The following BRWD1 variants were observed in gnomAD, a reference collection of about 807,000 sequenced individuals.
The protein encoded by BRWD1 is bromodomain and WD repeat-containing protein 1.
BRWD1 carries 82 observed loss-of-function variants against 251.2 expected under a neutral mutation model. The observed-to-expected ratio is 0.33, with a 90% CI of 0.27 to 0.39. The LOEUF (loss-of-function observed/expected upper bound fraction) is 0.39. Ranked by LOEUF, BRWD1 falls within the 10% of genes least tolerant of loss-of-function variation. The pLI, the probability that BRWD1 is intolerant of heterozygous loss-of-function variation, is 1.00. For synonymous variants in BRWD1, 918 were observed against 902.8 expected, an observed-to-expected ratio of 1.02 and a Z score of -0.30; for missense variants, 2,233 against 2,711.6, an observed-to-expected ratio of 0.82 and a Z score of 3.92.
chr21:39,283,534 G>C (rs1481302882), intron 8 of BRWD1, among the ~76,000 whole-genome samples: 1 of 152,066 alleles, frequency 6.6e-6, no homozygotes, highest in Non-Finnish European at 1.5e-5. Flanking sequence ...CTTCTTTATT[G>C]CTGGTGTACA....
Position 39,250,848 on chromosome 21 carries a change from C to A in BRWD1, c.2297G>T (p.Arg766Ile). 6.2e-7 allele frequency: 1 copy of A among 1,600,502 alleles called. No homozygotes were observed. The highest frequency in any genetic ancestry group is 1.1e-5 in the South Asian group (1 of 88,154). ...DFRLEKGEEERNLYIIGRKRK... is the reference protein window; with the variant it reads ...DFRLEKGEEEINLYIIGRKRK... ...TTTTCTTCCTATTATATAAAGATTT[C>A]TTTCCTCTTCACCTTTCTCTAATCG... Residue 766 changes from arginine to isoleucine, a missense_variant, in exon 20 of 41, where the codon AGA (arginine) becomes ATA (isoleucine). Transcript: ENST00000342449.
At position 39,190,253 on chromosome 21, in the gene BRWD1, C is replaced by T. The variant is rs2031481622; in HGVS notation, c.*6006G>A. 1.0e-6 allele frequency: 1 copy of T among 982,220 alleles called. No individual in the cohort carries two copies. Among genetic ancestry groups the T allele is most frequent in the South Asian group, 4.7e-5 (1 of 21,226 alleles). The allele number at this position is 982,220 out of a possible 1,614,324, so 60.8% of individuals were successfully genotyped here. On this transcript the variant is annotated 3_prime_UTR_variant, in exon 41 of 41. Coordinates refer to ENST00000342449, the MANE Select transcript of BRWD1 (RefSeq NM_033656.4). Reference sequence around the variant, plus strand: ...GACTTTTTTTTAATTTTTAAGCTACCTTATTTACAGATTCTGCACAATATT... The same window carrying T: ...GACTTTTTTTTAATTTTTAAGCTACTTTATTTACAGATTCTGCACAATATT...
chr21:39,318,726 C>T (rs1368162208), upstream of BRWD1, among the ~76,000 whole-genome samples: 1 of 152,106 alleles, frequency 6.6e-6, no homozygotes, highest in Non-Finnish European at 1.5e-5. Flanking sequence ...CTCACTGCAG[C>T]CTCGCAGTCC....
At chr21:39,207,451 A>AACACACACAC (rs58765400) in intron 36 of BRWD1, among the ~76,000 whole-genome samples, 3,321 of 131,280 alleles carry the variant, frequency 0.025, 70 homozygotes, top group African/African-American at 0.047. Flanking sequence ...AAAAAAAGAA[A>AACACACACAC]ACACACACAC....
At position 39,313,327 on chromosome 21, in the gene BRWD1, G is replaced by A. The variant is rs779909295; in HGVS notation, c.50-28C>T. On this transcript the variant is annotated intron_variant, in intron 1 of 40. Coordinates refer to ENST00000342449, the MANE Select transcript of BRWD1 (RefSeq NM_033656.4). The stretch of plus-strand genomic sequence containing the variant: ...GCGGGAAGACAAGGAGTCAGGTCAA[G>A]CCCCGGCGGGGAGGGGAGGGGGACG... The A allele has an allele frequency of 1.4e-5, 21 of 1,521,782 alleles. No individual in the cohort carries two copies. The African/African-American group carries it at 2.3e-4, about 17-fold the overall frequency. The allele number at this position is 1,521,782 out of a possible 1,614,324, so 94.3% of individuals were successfully genotyped here.
intron 17 of BRWD1, among the ~76,000 whole-genome samples, chr21:39,259,412 T>A (rs2034667862): frequency 6.6e-6 from 1 of 152,138 alleles, no homozygotes; most frequent in South Asian, 2.1e-4. Context: ...TGCCTCGGCC[T>A]CCCGACTAGC....
intron 29 of BRWD1, among the ~76,000 whole-genome samples, chr21:39,222,878 A>G (rs963418995): frequency 1.3e-5 from 2 of 152,198 alleles, no homozygotes; most frequent in Non-Finnish European, 2.9e-5. Flanking sequence ...CATACCCCCT[A>G]AATCAAATTA....
intron 12 of BRWD1, 138 bp from the exon 13 acceptor site, chr21:39,274,610 A>C: frequency 1.4e-6 from 1 of 739,890 alleles, no homozygotes; most frequent in Non-Finnish European, 2.2e-6. Flanking sequence ...TTCAAAAGAC[A>C]AGGTATTTAG....
intron 29 of BRWD1, among the ~76,000 whole-genome samples, chr21:39,220,164 G>A (rs994437134): frequency 4.6e-5 from 7 of 152,094 alleles, no homozygotes; most frequent in Non-Finnish European, 8.8e-5. Flanking sequence ...GGAGAAAGGG[G>A]GTCTCACTAT....
chr21:39,206,197 A>C lies in BRWD1; in HGVS notation c.4275T>G (p.Gly1425=), dbSNP rs755440539. The C allele has an allele frequency of 3.7e-6, 6 of 1,613,006 alleles. No homozygotes were observed. Among genetic ancestry groups the C allele is most frequent in the Non-Finnish European group, 4.2e-6 (5 of 1,179,282 alleles). The change falls in exon 37 of 41, where the codon GGT becomes GGG. Residue 1425 remains glycine (G), a synonymous_variant. Transcript: ENST00000342449. ...MKKISSDFKI[G]QKFNEKLRRS... is the part of the protein sequence containing the mutation. ...TTCGAAGTTTTTCATTGAATTTTTG[A>C]CCAATTTTAAAATCAGAAGAGATTT...
intron 19 of BRWD1, among the ~76,000 whole-genome samples, chr21:39,251,396 G>A (rs1288559596): frequency 6.6e-6 from 1 of 151,910 alleles, no homozygotes; most frequent in Non-Finnish European, 1.5e-5. Context: ...CAAGAAGAAG[G>A]TACTAAAAAT....
At chr21:39,310,240 G>A (rs1206000560) in intron 4 of BRWD1, among the ~76,000 whole-genome samples, 1 of 152,200 alleles carries the variant, frequency 6.6e-6, no homozygotes, top group Admixed American at 6.5e-5. Context: ...TGTTGGCCAG[G>A]CGCAGTGGCT....
At chr21:39,261,631 A>G (rs904290866) in intron 17 of BRWD1, among the ~76,000 whole-genome samples, 1 of 152,198 alleles carries the variant, frequency 6.6e-6, no homozygotes, top group African/African-American at 2.4e-5. Flanking sequence ...GAAAGGTTGC[A>G]GATACACCTA....
chr21:39,278,504 C>G, intron 10 of BRWD1: 1 of 466,272 alleles, frequency 2.1e-6, no homozygotes, highest in East Asian at 3.3e-5. Context: ...GTGGACACCT[C>G]AAGCCTCCCT....
At chr21:39,315,226 AC>A (rs2036675920), upstream of BRWD1, among the ~76,000 whole-genome samples, 1 of 151,368 alleles carries the variant, frequency 6.6e-6, no homozygotes, top group African/African-American at 2.4e-5. Flanking sequence ...CTGGTCTCGA[AC>A]TCCTGGCCTC....
At chr21:39,214,719 G>A (rs1240508526) in intron 32 of BRWD1, among the ~76,000 whole-genome samples, 2 of 151,750 alleles carry the variant, frequency 1.3e-5, no homozygotes, top group African/African-American at 4.8e-5. Flanking sequence ...GCAACTTTCT[G>A]GAGTATAAAA....
At chr21:39,244,125 G>A (rs947845302) in intron 21 of BRWD1, among the ~76,000 whole-genome samples, 1 of 151,450 alleles carries the variant, frequency 6.6e-6, no homozygotes, top group South Asian at 2.1e-4. Flanking sequence ...GTGCAGTGGC[G>A]CGATCTCGGC....
intron 17 of BRWD1, among the ~76,000 whole-genome samples, chr21:39,259,313 G>A (rs189524433): frequency 2.6e-5 from 4 of 152,120 alleles, no homozygotes; most frequent in East Asian, 3.9e-4. Flanking sequence ...TTTCTGAGAC[G>A]GAGTCTCACT....
At chr21:39,284,877 G>C (rs143001180) in intron 8 of BRWD1, among the ~76,000 whole-genome samples, 28 of 152,140 alleles carry the variant, frequency 1.8e-4, no homozygotes, top group African/African-American at 6.5e-4. Flanking sequence ...TTGTCTCTTC[G>C]ATCTATATTG....
Sources: allele counts gnomAD v4.1 joint callset (sites outside exome capture counted in the v4.1 genomes callset), GRCh38; gene constraint gnomAD v4.1.1; transcripts MANE v1.5; gene names NCBI Gene and HGNC (gene_info 2026-07-23, HGNC 2026-07-21).